Variants in PDE6B observed in about 807,000 individuals in gnomAD.
PDE6B encodes the protein phosphodiesterase 6B.
PDE6B carries 106 observed loss-of-function variants against 109.0 expected under a neutral mutation model. The ratio of observed to expected loss-of-function variants is 0.97; its 90% CI spans 0.83 to 1.14. The LOEUF is 1.14. Ranked by LOEUF, PDE6B falls within the 50% of genes most tolerant of loss-of-function variation. The pLI is 0.00. For missense variants in PDE6B, 1,193 were observed against 1,155.6 expected (o/e 1.03, Z -0.47); for synonymous variants, 490 against 471.3 (o/e 1.04, Z -0.51).
At position 648,989 on chromosome 4, in the gene PDE6B, C is replaced by T. The variant is rs57794368; in HGVS notation, c.712-4863C>T. On this transcript the variant is annotated intron_variant, in intron 3 of 21. Coordinates refer to ENST00000496514, the MANE Select transcript of PDE6B (RefSeq NM_000283.4). The surrounding 1 kb of genome is among the most constrained non-coding windows in gnomAD (Gnocchi z 4.5). ...AGAAGTGAGAGGCGGCCAGGAGGGG[C>T]GGGCGTGGTCTGTCCACACCGGGCA... 0.021 allele frequency among the ~76,000 whole-genome samples: 3,261 copies of T among 152,264 alleles called. 51 individuals carry two copies. Among genetic ancestry groups the T allele is most frequent in the South Asian group, 0.037 (178 of 4,830 alleles).
intron 1 of PDE6B, among the ~76,000 whole-genome samples, 170 bp from the exon 2 acceptor site, chr4:634,507 A>G (rs978864676): frequency 1.3e-5 from 2 of 152,138 alleles, no homozygotes; most frequent in Non-Finnish European, 2.9e-5. Flanking sequence ...CCACAGGGAC[A>G]GGCCCAGCTT....
chr4:663,289 T>G lies in PDE6B; in HGVS notation c.1920+102T>G. ...CGGAGCAGGGTTCTGATGCAGCGGGTGAGCACTGGGTGTGTGAGCACTGGG... is the reference window on the plus strand; with the variant it reads ...CGGAGCAGGGTTCTGATGCAGCGGGGGAGCACTGGGTGTGTGAGCACTGGG... On this transcript the variant is annotated intron_variant, in intron 15 of 21. Coordinates refer to ENST00000496514, the MANE Select transcript of PDE6B (RefSeq NM_000283.4). The surrounding 1 kb of genome is among the most constrained non-coding windows in gnomAD (Gnocchi z 4.0). The G allele has an allele frequency of 1.3e-6, 1 of 771,114 alleles. No individual in the cohort carries two copies. The highest frequency in any genetic ancestry group is 1.4e-5 in the South Asian group (1 of 72,202). The allele number at this position is 771,114 out of a possible 1,614,324, so 47.8% of individuals were successfully genotyped here. A position where few individuals can be genotyped will look rare whatever the true frequency, so the allele number is the denominator to read the frequency against.
chr4:634,404 G>A (rs1226764094), intron 1 of PDE6B, among the ~76,000 whole-genome samples: 2 of 152,152 alleles, frequency 1.3e-5, no homozygotes, highest in Admixed American at 6.5e-5. Flanking sequence ...CAGGCAGGGC[G>A]GGGCCCCCCA....
chr4:665,380 C>G lies in PDE6B; in HGVS notation c.2268+51C>G. ...ACTCCTGAAACGGGTGTTAGAGACC[C>G]CTCTTGGTCCTCAGGAGCCTCAGGT... On this transcript the variant is annotated intron_variant, in intron 19 of 21. Transcript: ENST00000496514. The surrounding 1 kb of genome is among the most constrained non-coding windows in gnomAD (Gnocchi z 4.0). 1.5e-6 allele frequency: 2 copies of G among 1,296,196 alleles called. No individual in the cohort carries two copies. Among genetic ancestry groups the G allele is most frequent in the Non-Finnish European group, 2.2e-6 (2 of 894,082 alleles). 80.3% of individuals were successfully genotyped at this position (1,296,196 alleles called of 1,614,324 possible). A position where few individuals can be genotyped will look rare whatever the true frequency, so the allele number is the denominator to read the frequency against.
At chr4:643,314 A>T (rs4690184) in intron 3 of PDE6B, among the ~76,000 whole-genome samples, 1 of 151,922 alleles carries the variant, frequency 6.6e-6, no homozygotes, top group Non-Finnish European at 1.5e-5. Flanking sequence ...TCTCAAAAAA[A>T]GAAAAAAAAA....
rs1040829223 is a variant in PDE6B at position 646,672 on chromosome 4, G to A, written c.712-7180G>A. On this transcript the variant is annotated intron_variant, in intron 3 of 21. Transcript: ENST00000496514. ...CTGCGTTTCTGTGTTCGCGCTCCCG[G>A]CCCCCTTCCTCAGACACGCGCAGCC... Among the ~76,000 whole-genome samples, 3 of 151,906 alleles carry A rather than the reference G, an allele frequency of 2.0e-5. No homozygotes were observed. In the South Asian group the frequency reaches 6.2e-4, roughly 32 times the overall value.
At chr4:657,175 C>T in intron 9 of PDE6B, 152 bp downstream of exon 9, 2 of 1,093,020 alleles carry the variant, frequency 1.8e-6, no homozygotes, top group South Asian at 2.7e-5. Flanking sequence ...CGACAAAGGG[C>T]CCCCCCGGGA....
intron 3 of PDE6B, among the ~76,000 whole-genome samples, chr4:640,367 C>T (rs974616666): frequency 1.3e-5 from 2 of 151,998 alleles, no homozygotes; most frequent in African/African-American, 4.8e-5. Flanking sequence ...GAAACCCCAT[C>T]TCTACTAAAA....
At position 625,915 on chromosome 4, in the gene PDE6B, T is replaced by A; in HGVS notation, c.289T>A (p.Tyr97Asn). The A allele has an allele frequency of 1.9e-6, 3 of 1,601,904 alleles. No homozygotes were observed. The highest frequency in any genetic ancestry group is 2.6e-6 in the Non-Finnish European group (3 of 1,174,846). Residue 97 changes from tyrosine to asparagine, a missense_variant, in exon 1 of 22, where the codon TAC becomes AAC. Physicochemically the swap from Tyr to Asn is moderately radical, Grantham distance 143. Coordinates refer to ENST00000496514, the MANE Select transcript of PDE6B (RefSeq NM_000283.4). The surrounding 1 kb of genome is among the most constrained non-coding windows in gnomAD (Gnocchi z 5.0). ...LQADRCSLFM[Y>N]RQRNGVAELA... ...GGCCGACCGCTGCAGCCTCTTCATG[T>A]ACCGCCAGCGCAACGGCGTGGCCGA...
In PDE6B at chr4:656,965, C is replaced by T; in HGVS notation, c.1199C>T (p.Thr400Ile). ...AAGGAGGAGATTGTGGGAGTCGCCA[C>T]ATTTTACAACAGGAAAGACGGGAAG... ...NKKEEIVGVA[T>I]FYNRKDGKPF... Residue 400 changes from threonine (T) to isoleucine (I), a missense_variant, in exon 9 of 22, where the codon ACA becomes ATA. Physicochemically the swap from Thr to Ile is moderately conservative, Grantham distance 89. Coordinates refer to ENST00000496514, the MANE Select transcript of PDE6B (RefSeq NM_000283.4). The T allele has an allele frequency of 1.2e-6, 2 of 1,613,252 alleles. No individual in the cohort carries two copies. Among genetic ancestry groups the T allele is most frequent in the Non-Finnish European group, 1.7e-6 (2 of 1,179,904 alleles).
intron 1 of PDE6B, 73 bp from the exon 2 acceptor site, chr4:634,604 G>A (rs936463021): frequency 3.9e-6 from 5 of 1,267,320 alleles, no homozygotes; most frequent in South Asian, 2.4e-5. Flanking sequence ...AGAGCTTGAC[G>A]ACAACCCCAG....
intron 21 of PDE6B, among the ~76,000 whole-genome samples, chr4:669,329 C>G (rs1287111496): frequency 4.2e-5 from 6 of 141,864 alleles, no homozygotes; most frequent in East Asian, 2.0e-4. Flanking sequence ...TTCCCGCTAC[C>G]CCATGCTATT....
rs538512225 is a variant in PDE6B, at chr4:662,707, G to GAA, written c.1832+91_1832+92dup. 13 of 872,774 alleles carry GAA rather than the reference G, an allele frequency of 1.5e-5. No homozygotes were observed. Among genetic ancestry groups the GAA allele is most frequent in the Admixed American group, 1.8e-5 (1 of 54,990 alleles). The allele number at this position is 872,774 out of a possible 1,614,324, so 54.1% of individuals were successfully genotyped here. ...TAGGCTTCGCATAGCAGGCTATGTA[G>GAA]AAAGTGGAGTCCACGGCCAGGCCCC... is the stretch of plus-strand genomic sequence containing the variant. On this transcript the variant is annotated intron_variant, in intron 14 of 21. Coordinates refer to ENST00000496514, the MANE Select transcript of PDE6B (RefSeq NM_000283.4). This position sits in a 1 kb window ranked among gnomAD's most constrained non-coding sequence, Gnocchi z 4.3.
At chr4:641,636 CGTTTTTTGTTTTTT>C (rs975624770) in intron 3 of PDE6B, among the ~76,000 whole-genome samples, 3 of 151,566 alleles carry the variant, frequency 2.0e-5, no homozygotes, top group Non-Finnish European at 4.4e-5. Context: ...CAGAGACACA[CGTTTTTTGTTTTTT>C]GTTTTTTGTT....
chr4:658,804 C>A (rs911355615), intron 10 of PDE6B, 148 bp from the exon 11 acceptor site: 8 of 688,670 alleles, frequency 1.2e-5, no homozygotes, highest in Non-Finnish European at 1.9e-5. Context: ...TCATTTGTCT[C>A]CAGATCAGAG....
chr4:668,453 C>T (rs1738054314), intron 21 of PDE6B, among the ~76,000 whole-genome samples: 1 of 150,962 alleles, frequency 6.6e-6, no homozygotes, highest in African/African-American at 2.4e-5. Flanking sequence ...GCTCCCACTA[C>T]CCCATGCTGC....
Position 659,593 on chromosome 4 carries a change from GTA to G in PDE6B, c.1467+578_1467+579del, listed in dbSNP as rs555909437. Among the ~76,000 whole-genome samples the G allele has an allele frequency of 1.3e-4, 19 of 148,164 alleles. No homozygotes were observed. The South Asian group carries it at 2.7e-3, about 21-fold the overall frequency. ...TGTGGGTGTGTGTGTGCACATGTGG[GTA>G]TGTGTGTGCGTGTGTGCATTGTATG... On this transcript the variant is annotated intron_variant, in intron 11 of 21. Coordinates refer to ENST00000496514, the MANE Select transcript of PDE6B (RefSeq NM_000283.4).
chr4:660,657 C>T (rs1217191476), intron 12 of PDE6B, 44 bp downstream of exon 12: 6 of 1,578,548 alleles, frequency 3.8e-6, no homozygotes, highest in Non-Finnish European at 5.2e-6. Context: ...CTGAGGCCGC[C>T]CAGGACATGG....
At chr4:660,037 G>A (rs1192159031) in intron 11 of PDE6B, among the ~76,000 whole-genome samples, 1 of 152,178 alleles carries the variant, frequency 6.6e-6, no homozygotes, top group African/African-American at 2.4e-5. Flanking sequence ...GCACGTGTGT[G>A]CCTGCATGTC....
Sources: gnomAD v4.1 joint callset for allele counts (sites outside exome capture counted in the v4.1 genomes callset) on GRCh38, gnomAD v4.1.1 for gene constraint, Gnocchi (gnomAD v3.1) non-coding constraint, MANE v1.5 for transcripts, NCBI Gene and HGNC (gene_info 2026-07-23, HGNC 2026-07-21) for gene names.